NDRG1: variants seen among roughly 807,000 people sequenced by gnomAD.
NDRG1 encodes the protein protein NDRG1.
Under a neutral mutation model 56.9 loss-of-function variants are expected in NDRG1, and 32 were observed. That is an observed-to-expected ratio of 0.56 (90% CI 0.42 to 0.76). The LOEUF (loss-of-function observed/expected upper bound fraction) is 0.76, where lower values mean the gene tolerates loss of function less well. Ranked by LOEUF, NDRG1 falls within the 30% of genes least tolerant of loss-of-function variation. The pLI is 0.00. For missense variants in NDRG1, 507 were observed against 545.7 expected (o/e 0.93, Z 0.71); for synonymous variants, 211 against 204.1 (o/e 1.03, Z -0.29).
intron 1 of NDRG1, among the ~76,000 whole-genome samples, chr8:133,289,055 AT>A (rs1316358644): frequency 1.3e-5 from 2 of 152,144 alleles, no homozygotes; most frequent in African/African-American, 4.8e-5. Context: ...TGCATAATTT[AT>A]CGAATCTCTT....
In NDRG1 at chr8:133,284,260, C is replaced by T. The variant is rs750103164; in HGVS notation, c.52G>A (p.Glu18Lys). Residue 18 changes from glutamate to lysine, a missense_variant, in exon 2 of 16, where the codon GAG (glutamate) becomes AAG (lysine). Glu to Lys is a moderately conservative substitution (Grantham distance 56, BLOSUM62 1). Transcript: ENST00000323851. ...AGATCTCCACTCACCTCCCCTTTCT[C>T]CACCAAAGGCTTCACCTCAGCGAGG... ...VDLAEVKPLV[E>K]KGETITGLLQ... is the part of the protein sequence containing the mutation. 3 of 1,614,196 alleles carry T rather than the reference C, an allele frequency of 1.9e-6. No homozygotes were observed. The Admixed American group carries it at 5.0e-5, about 27-fold the overall frequency.
Position 133,243,567 on chromosome 8 carries a change from CT to C in NDRG1, c.891+787del, listed in dbSNP as rs780983442. 8.3e-4 allele frequency among the ~76,000 whole-genome samples: 127 copies of C among 152,352 alleles called. 1 individual carries two copies. The highest frequency in any genetic ancestry group is 1.4e-3 in the South Asian group (7 of 4,830). ...AGTGTCACACAGGAATTGCTCCCCC[CT>C]GTGCTGGTGTCCTCGAAGCCTGTGC... On this transcript the variant is annotated intron_variant, in intron 14 of 15. Transcript: ENST00000323851.
chr8:133,245,170 T>C (rs1855603586), intron 13 of NDRG1, among the ~76,000 whole-genome samples: 1 of 152,166 alleles, frequency 6.6e-6, no homozygotes, highest in South Asian at 2.1e-4. Context: ...GATGCCCGAA[T>C]TTTTCCTCCA....
Position 133,256,693 on chromosome 8 carries a change from T to C in NDRG1, c.537+84A>G. The C allele has an allele frequency of 8.2e-6, 11 of 1,338,668 alleles. No individual in the cohort carries two copies. In the South Asian group the frequency reaches 1.3e-4, roughly 16 times the overall value. The allele number at this position is 1,338,668 out of a possible 1,614,324, so 82.9% of individuals were successfully genotyped here. On this transcript the variant is annotated intron_variant, in intron 8 of 15. Coordinates refer to ENST00000323851, the MANE Select transcript of NDRG1 (RefSeq NM_006096.4). ...AGTGGGTAAAGAGAGAGCTCGTAGC[T>C]CCAGGGATCCCCCAGGCAGAGGCTG...
At chr8:133,254,392 A>C in intron 9 of NDRG1, 147 bp downstream of exon 9, 2 of 689,980 alleles carry the variant, frequency 2.9e-6, no homozygotes, top group East Asian at 5.5e-5. Context: ...ATGAATGAAT[A>C]ATGTCACATT....
At chr8:133,263,513 A>G (rs1003676739) in intron 4 of NDRG1, among the ~76,000 whole-genome samples, 1 of 152,240 alleles carries the variant, frequency 6.6e-6, no homozygotes, top group Non-Finnish European at 1.5e-5. Flanking sequence ...AAAAATGGGG[A>G]ACCCACCTAA....
intron 1 of NDRG1, among the ~76,000 whole-genome samples, chr8:133,295,804 G>A (rs1388399038): frequency 6.6e-6 from 1 of 152,174 alleles, no homozygotes; most frequent in Non-Finnish European, 1.5e-5. Context: ...CCTGGCCACT[G>A]GCTGACTTCT....
intron 10 of NDRG1, among the ~76,000 whole-genome samples, chr8:133,250,082 G>A (rs1434552830): frequency 6.6e-6 from 1 of 152,210 alleles, no homozygotes; most frequent in Non-Finnish European, 1.5e-5. Context: ...CGGCCTCCAG[G>A]AGTGCTTTGC....
At position 133,259,215 on chromosome 8, in the gene NDRG1, G is replaced by C; in HGVS notation, c.342C>G (p.Ser114=). ...GAAGCATTTCAGCCAGCTGATCCATGGAGGGGTACATGTACCTGGGGATGA... is the reference window on the plus strand; with the variant it reads ...GAAGCATTTCAGCCAGCTGATCCATCGAGGGGTACATGTACCTGGGGATGA... ...ASFPAGYMYP[S]MDQLAEMLPG... is the part of the protein sequence containing the mutation. The change falls in exon 6 of 16, where the codon TCC becomes TCG. Residue 114 remains serine, a synonymous_variant. Coordinates refer to ENST00000323851, the MANE Select transcript of NDRG1 (RefSeq NM_006096.4). The C allele has an allele frequency of 6.2e-7, 1 of 1,614,186 alleles. No individual in the cohort carries two copies. The highest frequency in any genetic ancestry group is 1.7e-5 in the Admixed American group (1 of 60,018).
At chr8:133,280,686 G>A (rs567538642) in intron 2 of NDRG1, among the ~76,000 whole-genome samples, 96 of 151,978 alleles carry the variant, frequency 6.3e-4, no homozygotes, top group Non-Finnish European at 1.1e-3. Context: ...CACCTGCCTC[G>A]GCCTCCCAAA....
At chr8:133,267,307 C>T (rs975692708) in intron 3 of NDRG1, among the ~76,000 whole-genome samples, 2 of 152,204 alleles carry the variant, frequency 1.3e-5, no homozygotes, top group Non-Finnish European at 2.9e-5. Context: ...CACAGGGACG[C>T]AGCAGTGGTT....
At chr8:133,256,169 C>G (rs746693406) in intron 8 of NDRG1, 1 of 154,742 alleles carries the variant, frequency 6.5e-6, no homozygotes, top group Non-Finnish European at 1.4e-5. Flanking sequence ...CTTAGCCACA[C>G]CGAGTCCTTA....
intron 3 of NDRG1, among the ~76,000 whole-genome samples, chr8:133,269,585 C>T (rs1354617311): frequency 6.6e-6 from 1 of 152,214 alleles, no homozygotes; most frequent in Admixed American, 6.5e-5. Flanking sequence ...TCATCCAAGG[C>T]CACACAGCTG....
At position 133,284,229 on chromosome 8, in the gene NDRG1, C is replaced by A; in HGVS notation, c.63+20G>T. 1 of 1,613,004 alleles carries A rather than the reference C, an allele frequency of 6.2e-7. No individual in the cohort carries two copies. The highest frequency in any genetic ancestry group is 8.5e-7 in the Non-Finnish European group (1 of 1,179,032). ...TGCACATGTGCCTGTGATGGGGTAG[C>A]CAGGAAGATCTCCACTCACCTCCCC... On this transcript the variant is annotated intron_variant, in intron 2 of 15. Transcript: ENST00000323851.
chr8:133,242,066 C>A lies in NDRG1; in HGVS notation c.900G>T (p.Lys300Asn). Reference sequence around the variant, plus strand: ...CGAAGTACTTGAAGGCCTCAGCGAGCTTGGCCGGCTGCGAGAGACAAGGAG... The same window carrying A: ...CGAAGTACTTGAAGGCCTCAGCGAGATTGGCCGGCTGCGAGAGACAAGGAG... ...GGLPQISQPA[K>N]LAEAFKYFVQ... The change falls in exon 15 of 16, where the codon AAG becomes AAT. Residue 300 changes from lysine to asparagine, a missense_variant. Transcript: ENST00000323851. The A allele has an allele frequency of 6.2e-7, 1 of 1,614,228 alleles. No homozygotes were observed. The highest frequency in any genetic ancestry group is 8.5e-7 in the Non-Finnish European group (1 of 1,180,034).
chr8:133,271,011 C>T (rs1235076721), intron 3 of NDRG1, among the ~76,000 whole-genome samples: 1 of 152,180 alleles, frequency 6.6e-6, no homozygotes, highest in African/African-American at 2.4e-5. Flanking sequence ...ACAACCGCTC[C>T]AGAGATGATT....
Position 133,284,842 on chromosome 8 carries a change from C to T in NDRG1, c.-18-513G>A, listed in dbSNP as rs144905155. 1.8e-4 allele frequency: 83 copies of T among 456,672 alleles called. No homozygotes were observed. The Middle Eastern group carries it at 3.5e-3, about 20-fold the overall frequency. 28.3% of individuals were successfully genotyped at this position (456,672 alleles called of 1,614,324 possible). On this transcript the variant is annotated intron_variant, in intron 1 of 15. Coordinates refer to ENST00000323851, the MANE Select transcript of NDRG1 (RefSeq NM_006096.4). ...GCAGACGCACAGACACACAGGCACA[C>T]GCATGCGCGTGAACACACATACACA...
At chr8:133,290,728 C>T (rs991413969) in intron 1 of NDRG1, among the ~76,000 whole-genome samples, 2 of 152,176 alleles carry the variant, frequency 1.3e-5, no homozygotes, top group Admixed American at 6.5e-5. Flanking sequence ...CAGGCTTGAG[C>T]TTTTGGCAAA....
At chr8:133,281,403 T>C (rs2130788254) in intron 2 of NDRG1, among the ~76,000 whole-genome samples, 1 of 152,164 alleles carries the variant, frequency 6.6e-6, no homozygotes, top group Middle Eastern at 3.4e-3. Flanking sequence ...ATTCTATCTT[T>C]TACCAGAGCT....
Sources: gnomAD v4.1 joint callset for allele counts (sites outside exome capture counted in the v4.1 genomes callset) on GRCh38, gnomAD v4.1.1 for gene constraint, MANE v1.5 for transcripts, NCBI Gene and HGNC (gene_info 2026-07-23, HGNC 2026-07-21) for gene names.